The following ACP2 variants were observed in gnomAD, a reference collection of about 807,000 sequenced individuals.
The protein encoded by ACP2 is acid phosphatase 2, lysosomal.
ACP2 carries 35 observed loss-of-function variants against 54.7 expected under a neutral mutation model. That is an observed-to-expected ratio of 0.64 (90% CI 0.49 to 0.85). The LOEUF (loss-of-function observed/expected upper bound fraction) is 0.85, where lower values mean the gene tolerates loss of function less well. Among genes scored for constraint, ACP2 ranks in the 40% least tolerant of loss-of-function variants. ACP2 has a pLI of 0.00. For synonymous variants in ACP2, 210 were observed against 224.4 expected (o/e 0.94, Z 0.57); for missense variants, 492 against 565.0 (o/e 0.87, Z 1.31).
chr11:47,243,183 G>A, intron 8 of ACP2, 56 bp downstream of exon 8: 11 of 1,613,328 alleles, frequency 6.8e-6, no homozygotes. Context: ...GAACCGAACA[G>A]AGAAGAAATC....
intron 1 of ACP2, 21 bp from the exon 2 acceptor site, chr11:47,248,154 G>A (rs748758341): frequency 6.3e-7 from 1 of 1,578,344 alleles, no homozygotes; most frequent in Admixed American, 1.9e-5. Flanking sequence ...AAAATGGTTT[G>A]CCTATAGGTC....
At position 47,239,599 on chromosome 11, in the gene ACP2, G is replaced by A. The variant is rs1953815847; in HGVS notation, c.*517C>T. The A allele has an allele frequency of 6.4e-6, 1 of 155,484 alleles. No individual in the cohort carries two copies. Among genetic ancestry groups the A allele is most frequent in the African/African-American group, 2.4e-5 (1 of 41,476 alleles). The allele number at this position is 155,484 out of a possible 1,614,324, so 9.6% of individuals were successfully genotyped here. A position where few individuals can be genotyped will look rare whatever the true frequency, so the allele number is the denominator to read the frequency against. ...CTAATGGTGGCTCTAGCCAGACACA[G>A]GGAAATGTGGCTGGCTGGCTGTTGG... On this transcript the variant is annotated 3_prime_UTR_variant, in exon 11 of 11. Transcript: ENST00000672073.
At chr11:47,243,998 G>A (rs1428541373) in intron 7 of ACP2, among the ~76,000 whole-genome samples, 4 of 151,490 alleles carry the variant, frequency 2.6e-5, no homozygotes, top group Admixed American at 6.6e-5. Context: ...TTAGTTGGGC[G>A]TGGTGGCAGG....
At position 47,245,575 on chromosome 11, in the gene ACP2, G is replaced by T. The variant is rs1391629426; in HGVS notation, c.451-3C>A. 6.2e-7 allele frequency: 1 copy of T among 1,614,166 alleles called. No individual in the cohort carries two copies. The highest frequency in any genetic ancestry group is 1.7e-5 in the Admixed American group (1 of 60,014). Reference sequence around the variant, plus strand: ...GGGCCCAACGGGAACTTCAGCAGCTGTAGAGCGAAGCGGGGAAACAGGCAG... The same window carrying T: ...GGGCCCAACGGGAACTTCAGCAGCTTTAGAGCGAAGCGGGGAAACAGGCAG... On this transcript the variant is annotated splice_region_variant and splice_polypyrimidine_tract_variant and intron_variant, in intron 4 of 10. Coordinates refer to ENST00000672073, the MANE Select transcript of ACP2 (RefSeq NM_001610.4).
chr11:47,245,170 CGT>C, intron 6 of ACP2, 133 bp downstream of exon 6: 1 of 1,049,506 alleles, frequency 9.5e-7, no homozygotes. Flanking sequence ...GGGAAGTTCC[CGT>C]GTTTCACAAG....
chr11:47,245,829 A>G lies in ACP2; in HGVS notation c.303T>C (p.Tyr101=). Residue 101 remains tyrosine, a synonymous_variant, in exon 4 of 11, where the codon TAT becomes TAC. Coordinates refer to ENST00000672073, the MANE Select transcript of ACP2 (RefSeq NM_001610.4). The stretch of plus-strand genomic sequence containing the variant: ...TCCGGTCAAAGTCTGTGCTTCGCAC[A>G]TAAACCTGCAGCGATAGCAACACAA... ...LNTSYHRQEV[Y]VRSTDFDRTL... is the part of the protein sequence containing the mutation. 5.1e-6 allele frequency: 8 copies of G among 1,573,252 alleles called. No individual in the cohort carries two copies. Among genetic ancestry groups the G allele is most frequent in the South Asian group, 1.2e-5 (1 of 84,184 alleles).
In ACP2 at chr11:47,248,785, G is replaced by C. The variant is rs745331375; in HGVS notation, c.5C>G (p.Ala2Gly). The C allele has an allele frequency of 4.9e-5, 78 of 1,593,054 alleles. No individual in the cohort carries two copies. Among genetic ancestry groups the C allele is most frequent in the Non-Finnish European group, 6.2e-5 (73 of 1,169,600 alleles). The change falls in exon 1 of 11, where the codon GCG becomes GGG. Residue 2 changes from alanine to glycine, a missense_variant. Physicochemically the swap from Ala to Gly is moderately conservative, Grantham distance 60. Transcript: ENST00000672073. ...CCGGCTCCAGCCGGACCGCTTGCCCGCCATCACCGTTGTAATCTATGCAGC... is the reference window on the plus strand; with the variant it reads ...CCGGCTCCAGCCGGACCGCTTGCCCCCCATCACCGTTGTAATCTATGCAGC... M[A>G]GKRSGWSRAA...
chr11:47,242,980 AG>A lies in ACP2; in HGVS notation c.962+37del, dbSNP rs1482531893. 1.5e-5 allele frequency: 25 copies of A among 1,613,198 alleles called. No homozygotes were observed. In the Admixed American group the frequency reaches 4.2e-4, roughly 27 times the overall value. On this transcript the variant is annotated intron_variant, in intron 9 of 10. Transcript: ENST00000672073. ...TTGGGCTGCCCCGAGCCACCTCCCG[AG>A]GGCCCCCCTCCAGAGGACACTGCTA... is the stretch of plus-strand genomic sequence containing the variant.
At position 47,239,908 on chromosome 11, in the gene ACP2, AC is replaced by A. The variant is rs1953824105; in HGVS notation, c.*207del. 3.5e-6 allele frequency: 2 copies of A among 579,098 alleles called. No individual in the cohort carries two copies. The highest frequency in any genetic ancestry group is 1.9e-5 in the African/African-American group (1 of 53,420). The allele number at this position is 579,098 out of a possible 1,614,324, so 35.9% of individuals were successfully genotyped here. A position where few individuals can be genotyped will look rare whatever the true frequency, so the allele number is the denominator to read the frequency against. ...CCTGTTTGGAGAAAGCCAGTGTCCA[AC>A]ACAGCACTTGGTAAACATCAGGCAT... On this transcript the variant is annotated 3_prime_UTR_variant, in exon 11 of 11. Transcript: ENST00000672073.
At position 47,245,514 on chromosome 11, in the gene ACP2, C is replaced by T. The variant is rs754502962; in HGVS notation, c.509G>A (p.Arg170Gln). 5.6e-6 allele frequency: 9 copies of T among 1,614,084 alleles called. No individual in the cohort carries two copies. The highest frequency in any genetic ancestry group is 2.7e-5 in the African/African-American group (2 of 74,922). Residue 170 changes from arginine (R) to glutamine (Q), a missense_variant, in exon 5 of 11, where the codon CGG becomes CAG. By Grantham distance (43) the Arg-to-Gln change is conservative. Transcript: ENST00000672073. ...CTCATTCTGATACTCTGGTGTCTGCCGGGTCTCGTTCTGCAGCTGCTCATA... is the reference window on the plus strand; with the variant it reads ...CTCATTCTGATACTCTGGTGTCTGCTGGGTCTCGTTCTGCAGCTGCTCATA... ...PRYEQLQNET[R>Q]QTPEYQNESS... is the part of the protein sequence containing the mutation.
chr11:47,246,393 T>C (rs1954082136), intron 3 of ACP2, among the ~76,000 whole-genome samples: 1 of 151,914 alleles, frequency 6.6e-6, no homozygotes, highest in Admixed American at 6.6e-5. Context: ...CTGGGCAACA[T>C]AGTGAGACCC....
chr11:47,248,430 C>T, intron 1 of ACP2: 5 of 1,539,458 alleles, frequency 3.2e-6, no homozygotes, highest in East Asian at 2.4e-5. Context: ...CCAAAGGCTT[C>T]TTTAGGGATG....
In ACP2 at chr11:47,243,028, C is replaced by G. The variant is rs770781950; in HGVS notation, c.952G>C (p.Glu318Gln). 6.2e-7 allele frequency: 1 copy of G among 1,614,232 alleles called. No individual in the cohort carries two copies. The highest frequency in any genetic ancestry group is 8.5e-7 in the Non-Finnish European group (1 of 1,180,032). Reference protein sequence around the residue: ...ASCHIFELYQEDSGNFSVEMY... With the variant: ...ASCHIFELYQQDSGNFSVEMY... ...GCTAGCTCCACTCACCCAGAATCTT[C>G]CTGGTACAGTTCAAATATGTGGCAG... The change falls in exon 9 of 11, where the codon GAA becomes CAA. Residue 318 changes from glutamate (E) to glutamine (Q), a missense_variant. Coordinates refer to ENST00000672073, the MANE Select transcript of ACP2 (RefSeq NM_001610.4).
intron 7 of ACP2, among the ~76,000 whole-genome samples, chr11:47,244,519 G>GA (rs1481956346): frequency 1.3e-5 from 2 of 151,714 alleles, no homozygotes; most frequent in African/African-American, 2.4e-5. Flanking sequence ...CCATCCCCCC[G>GA]AAAAAAAATA....
chr11:47,247,612 C>A, intron 3 of ACP2, 29 bp downstream of exon 3: 1 of 1,613,216 alleles, frequency 6.2e-7, no homozygotes, highest in Non-Finnish European at 8.5e-7. Context: ...ATACCTTGTT[C>A]CCCTTGCCTC....
chr11:47,244,032 G>A (rs979075363), intron 7 of ACP2, among the ~76,000 whole-genome samples: 5 of 152,056 alleles, frequency 3.3e-5, no homozygotes, highest in Admixed American at 2.6e-4. Flanking sequence ...AGCTACTTAG[G>A]AGGCTGAGGC....
In ACP2 at chr11:47,239,831, A is replaced by G; in HGVS notation, c.*285T>C. On this transcript the variant is annotated 3_prime_UTR_variant, in exon 11 of 11. Coordinates refer to ENST00000672073, the MANE Select transcript of ACP2 (RefSeq NM_001610.4). Reference sequence around the variant, plus strand: ...TTCTAATCCTAGGTCCTGAGTGAACACTGACTGCCAGTTTACATCTCAGGT... The same window carrying G: ...TTCTAATCCTAGGTCCTGAGTGAACGCTGACTGCCAGTTTACATCTCAGGT... The G allele has an allele frequency of 2.5e-6, 1 of 398,474 alleles. No individual in the cohort carries two copies. The highest frequency in any genetic ancestry group is 4.5e-6 in the Non-Finnish European group (1 of 220,228). 24.7% of individuals were successfully genotyped at this position (398,474 alleles called of 1,614,324 possible).
chr11:47,246,236 G>A (rs1442392128), intron 3 of ACP2, among the ~76,000 whole-genome samples: 1 of 152,146 alleles, frequency 6.6e-6, no homozygotes, highest in Non-Finnish European at 1.5e-5. Context: ...GGTCCTTGGG[G>A]CAGAAACTGG....
Position 47,239,897 on chromosome 11 carries a change from G to T in ACP2, c.*219C>A. The T allele has an allele frequency of 1.8e-6, 1 of 544,580 alleles. No homozygotes were observed. The highest frequency in any genetic ancestry group is 3.3e-6 in the Non-Finnish European group (1 of 307,598). The allele number at this position is 544,580 out of a possible 1,614,324, so 33.7% of individuals were successfully genotyped here. ...AGGAGGCAAATCCTGTTTGGAGAAAGCCAGTGTCCAACACAGCACTTGGTA... is the reference window on the plus strand; with the variant it reads ...AGGAGGCAAATCCTGTTTGGAGAAATCCAGTGTCCAACACAGCACTTGGTA... On this transcript the variant is annotated 3_prime_UTR_variant, in exon 11 of 11. Coordinates refer to ENST00000672073, the MANE Select transcript of ACP2 (RefSeq NM_001610.4).
Sources: allele counts gnomAD v4.1 joint callset (sites outside exome capture counted in the v4.1 genomes callset), GRCh38; gene constraint gnomAD v4.1.1; transcripts MANE v1.5; gene names NCBI Gene and HGNC (gene_info 2026-07-23, HGNC 2026-07-21).